The following GRIK2 variants were observed in gnomAD, a reference collection of about 807,000 sequenced individuals.
The protein encoded by GRIK2 is glutamate receptor ionotropic, kainate 2.
GRIK2 carries 32 observed loss-of-function variants against 100.3 expected under a neutral mutation model. The ratio of observed to expected loss-of-function variants is 0.32; its 90% confidence interval spans 0.24 to 0.43. The LOEUF is 0.43. Ranked by LOEUF, GRIK2 falls within the 20% of genes least tolerant of loss-of-function variation. GRIK2 has a pLI of 1.00. For missense variants in GRIK2, 843 were observed against 1,114.9 expected, an observed-to-expected ratio of 0.76 and a Z score of 3.47; for synonymous variants, 417 against 389.4, an observed-to-expected ratio of 1.07 and a Z score of -0.83.
chr6:101,528,411 A>G (rs903289957), intron 2 of GRIK2, among the ~76,000 whole-genome samples: 1 of 152,218 alleles, frequency 6.6e-6, no homozygotes, highest in African/African-American at 2.4e-5. Context: ...AATAAAAACT[A>G]TAATTAGCTC....
intron 2 of GRIK2, among the ~76,000 whole-genome samples, chr6:101,617,560 G>A (rs1241752820): frequency 3.3e-5 from 5 of 151,788 alleles, no homozygotes; most frequent in Admixed American, 6.6e-5. Context: ...TATATTTTCA[G>A]TGGTAGAAGA....
At chr6:101,438,796 T>C (rs1230238925) in intron 2 of GRIK2, among the ~76,000 whole-genome samples, 1 of 152,128 alleles carries the variant, frequency 6.6e-6, no homozygotes, top group Non-Finnish European at 1.5e-5. Flanking sequence ...CTGGGGGATT[T>C]AAGAGCCATT....
At chr6:101,573,109 G>C (rs900465684) in intron 2 of GRIK2, among the ~76,000 whole-genome samples, 1 of 151,980 alleles carries the variant, frequency 6.6e-6, no homozygotes, top group Non-Finnish European at 1.5e-5. Context: ...GCCTCCCAAA[G>C]TGCTGGAATT....
At chr6:101,501,780 C>A (rs1042304415) in intron 2 of GRIK2, among the ~76,000 whole-genome samples, 1 of 152,070 alleles carries the variant, frequency 6.6e-6, no homozygotes, top group South Asian at 2.1e-4. Flanking sequence ...TTTTCCAAGA[C>A]AGGGTCTCAC....
At chr6:101,770,341 G>T (rs541131241) in intron 7 of GRIK2, among the ~76,000 whole-genome samples, 2 of 152,262 alleles carry the variant, frequency 1.3e-5, no homozygotes, top group East Asian at 3.9e-4. Flanking sequence ...GGCTGCAGCT[G>T]TTGCTAGTCA....
intron 7 of GRIK2, among the ~76,000 whole-genome samples, chr6:101,738,698 A>ACCCCC: frequency 1.3e-5 from 2 of 152,268 alleles, no homozygotes; most frequent in Middle Eastern, 6.8e-3. Flanking sequence ...TTGGCTAGAT[A>ACCCCC]ACTCTTTGCT....
chr6:101,408,481 G>A (rs1265854931), intron 2 of GRIK2, among the ~76,000 whole-genome samples: 1 of 152,094 alleles, frequency 6.6e-6, no homozygotes, highest in Non-Finnish European at 1.5e-5. Flanking sequence ...AAGATCTGCA[G>A]TTGGAAAGCT....
At chr6:101,786,540 G>T (rs1333885455) in intron 7 of GRIK2, among the ~76,000 whole-genome samples, 1 of 151,980 alleles carries the variant, frequency 6.6e-6, no homozygotes, top group Non-Finnish European at 1.5e-5. Flanking sequence ...TTCTGTGTCT[G>T]TTGAGATCAC....
At chr6:101,794,268 A>G (rs1257524160) in intron 7 of GRIK2, among the ~76,000 whole-genome samples, 1 of 152,126 alleles carries the variant, frequency 6.6e-6, no homozygotes, top group Non-Finnish European at 1.5e-5. Flanking sequence ...CCGGTACCTC[A>G]GATGGAAATG....
intron 2 of GRIK2, among the ~76,000 whole-genome samples, chr6:101,454,305 T>C (rs1367300445): frequency 6.6e-6 from 1 of 152,156 alleles, no homozygotes; most frequent in Non-Finnish European, 1.5e-5. Context: ...TTTATAATCA[T>C]AGATTCTAGT....
chr6:101,472,845 G>A (rs1772020016), intron 2 of GRIK2, among the ~76,000 whole-genome samples: 1 of 151,582 alleles, frequency 6.6e-6, no homozygotes, highest in Non-Finnish European at 1.5e-5. Context: ...TTCAGAATTT[G>A]GAAAGCAACA....
At chr6:102,030,625 A>G (rs1368011395) in intron 14 of GRIK2, among the ~76,000 whole-genome samples, 3 of 150,966 alleles carry the variant, frequency 2.0e-5, no homozygotes, top group Non-Finnish European at 4.5e-5. Flanking sequence ...CCACTTCCTC[A>G]CTCAACTTTC....
chr6:101,574,469 T>C (rs889060903), intron 2 of GRIK2, among the ~76,000 whole-genome samples: 1 of 150,272 alleles, frequency 6.7e-6, no homozygotes, highest in African/African-American at 2.4e-5. Flanking sequence ...ATTTTAACCC[T>C]TTTTTTTAAG....
At chr6:101,479,097 G>A (rs1486323308) in intron 2 of GRIK2, among the ~76,000 whole-genome samples, 2 of 152,048 alleles carry the variant, frequency 1.3e-5, no homozygotes, top group African/African-American at 4.8e-5. Flanking sequence ...TTTTATTTTG[G>A]TTTTAAAAAC....
At chr6:102,057,401 G>T (rs993492047) in intron 16 of GRIK2, among the ~76,000 whole-genome samples, 1 of 151,884 alleles carries the variant, frequency 6.6e-6, no homozygotes, top group Non-Finnish European at 1.5e-5. Context: ...ATGATGCGAG[G>T]ATTTAATTTT....
At chr6:101,793,832 G>C (rs1379940895) in intron 7 of GRIK2, among the ~76,000 whole-genome samples, 1 of 152,164 alleles carries the variant, frequency 6.6e-6, no homozygotes, top group East Asian at 1.9e-4. Flanking sequence ...ACAGAGGCAG[G>C]CAGACCTCCT....
chr6:102,037,259 T>C (rs2114434890), intron 15 of GRIK2, among the ~76,000 whole-genome samples: 1 of 151,344 alleles, frequency 6.6e-6, no homozygotes, highest in Middle Eastern at 3.4e-3. Flanking sequence ...TGTAGCTGAG[T>C]CCACATAATT....
At chr6:101,504,015 G>A (rs533864070) in intron 2 of GRIK2, among the ~76,000 whole-genome samples, 10 of 152,136 alleles carry the variant, frequency 6.6e-5, no homozygotes, top group African/African-American at 1.9e-4. Context: ...ATACAAAATC[G>A]ACAACCAGAT....
chr6:101,537,800 A>G (rs963748516), intron 2 of GRIK2, among the ~76,000 whole-genome samples: 1 of 151,790 alleles, frequency 6.6e-6, no homozygotes, highest in Non-Finnish European at 1.5e-5. Context: ...TGTTTTACAT[A>G]TGCCACTGCC....
Sources: gnomAD v4.1 joint callset for allele counts (sites outside exome capture counted in the v4.1 genomes callset) on GRCh38, gnomAD v4.1.1 for gene constraint, MANE v1.5 for transcripts, NCBI Gene and HGNC (gene_info 2026-07-23, HGNC 2026-07-21) for gene names.